Variants in CHRM2 observed in about 807,000 individuals in gnomAD.
The protein encoded by CHRM2 is muscarinic acetylcholine receptor M2.
Under a neutral mutation model 25.0 loss-of-function variants are expected in CHRM2, and 8 were observed. The ratio of observed to expected loss-of-function variants is 0.32; its 90% confidence interval spans 0.19 to 0.58. The LOEUF is 0.58. Ranked by LOEUF, CHRM2 falls within the 20% of genes least tolerant of loss-of-function variation. CHRM2 has a pLI of 0.88. For synonymous variants in CHRM2, 202 were observed against 205.7 expected (o/e 0.98, Z 0.15); for missense variants, 440 against 567.1 (o/e 0.78, Z 2.28).
At chr7:136,917,618 T>C (rs1798195477) in intron 2 of CHRM2, among the ~76,000 whole-genome samples, 2 of 152,084 alleles carry the variant, frequency 1.3e-5, no homozygotes. Context: ...GCCGGATTGC[T>C]GCCAGCTTTC....
chr7:136,951,547 C>G (rs1800414354), intron 2 of CHRM2, among the ~76,000 whole-genome samples: 1 of 152,088 alleles, frequency 6.6e-6, no homozygotes, highest in Non-Finnish European at 1.5e-5. Context: ...TCTTCCCTCT[C>G]TGATTGCAAA....
At position 136,890,325 on chromosome 7, in the gene CHRM2, C is replaced by T. The variant is rs184815610; in HGVS notation, c.-125+20907C>T. ...TTCATGTCACTAACCCAAAGCATTG[C>T]ACCGCTGTGTGTGTACTGCTAAGAA... is the stretch of plus-strand genomic sequence containing the variant. On this transcript the variant is annotated intron_variant, in intron 2 of 3. Coordinates refer to ENST00000680005, the MANE Select transcript of CHRM2 (RefSeq NM_001006630.2). Among the ~76,000 whole-genome samples, 8 of 152,312 alleles carry T rather than the reference C, an allele frequency of 5.3e-5. No individual in the cohort carries two copies. The East Asian group carries it at 1.5e-3, about 29-fold the overall frequency.
intron 2 of CHRM2, among the ~76,000 whole-genome samples, chr7:136,898,511 ATGTG>A (rs3068413): frequency 8.8e-4 from 132 of 150,076 alleles, no homozygotes; most frequent in East Asian, 3.2e-3. Flanking sequence ...GTGTGTTTGC[ATGTG>A]TGTGTGTGTG....
intron 2 of CHRM2, among the ~76,000 whole-genome samples, chr7:136,931,077 G>A (rs999763160): frequency 2.0e-5 from 3 of 151,978 alleles, no homozygotes; most frequent in Non-Finnish European, 2.9e-5. Context: ...ATTTTGATTC[G>A]TTCTAGTTTT....
intron 2 of CHRM2, among the ~76,000 whole-genome samples, chr7:136,953,571 A>G (rs763439222): frequency 1.3e-5 from 2 of 152,152 alleles, no homozygotes; most frequent in Non-Finnish European, 2.9e-5. Context: ...TTCAACAAAC[A>G]TTCACTGAAT....
At chr7:136,963,965 G>C (rs324579) in intron 2 of CHRM2, among the ~76,000 whole-genome samples, 34 of 152,116 alleles carry the variant, frequency 2.2e-4, no homozygotes, top group African/African-American at 8.2e-4. Flanking sequence ...TCTCATTTGC[G>C]TACTGCACTG....
chr7:136,921,005 A>T lies in CHRM2; in HGVS notation c.-125+51587A>T, dbSNP rs138161427. Among the ~76,000 whole-genome samples the T allele has an allele frequency of 2.2e-4, 34 of 152,212 alleles. No homozygotes were observed. The East Asian group carries it at 6.4e-3, about 29-fold the overall frequency. ...TCTCTGCAGCCATCTCAAATGGAAG[A>T]TGCCCTAGAACCTCAGGAATGAGAT... On this transcript the variant is annotated intron_variant, in intron 2 of 3. Coordinates refer to ENST00000680005, the MANE Select transcript of CHRM2 (RefSeq NM_001006630.2).
In CHRM2 at chr7:137,015,874, T is replaced by C; in HGVS notation, c.1009T>C (p.Cys337Arg). 6.2e-7 allele frequency: 1 copy of C among 1,613,190 alleles called. No individual in the cohort carries two copies. Among genetic ancestry groups the C allele is most frequent in the African/African-American group, 1.3e-5 (1 of 74,948 alleles). The change falls in exon 4 of 4, where the codon TGT becomes CGT. Residue 337 changes from cysteine to arginine, a missense_variant. This residue lies in a region of CHRM2 where 261 missense variants were observed against 261.8 expected (regional missense o/e 1.00). Coordinates refer to ENST00000680005, the MANE Select transcript of CHRM2 (RefSeq NM_001006630.2). The surrounding 1 kb of genome is among the most constrained non-coding windows in gnomAD (Gnocchi z 5.1). ...IGTKTPKSDSCTPTNTTVEVV... is the reference protein window; with the variant it reads ...IGTKTPKSDSRTPTNTTVEVV... Reference sequence around the variant, plus strand: ...CACCAAGACCCCAAAAAGTGACTCATGTACCCCAACTAATACCACCGTGGA... The same window carrying C: ...CACCAAGACCCCAAAAAGTGACTCACGTACCCCAACTAATACCACCGTGGA...
chr7:136,985,269 TG>T (rs1416807318), intron 2 of CHRM2, among the ~76,000 whole-genome samples: 1 of 152,096 alleles, frequency 6.6e-6, no homozygotes, highest in Non-Finnish European at 1.5e-5. Flanking sequence ...CCCAGCACTT[TG>T]TGAGGCCAAG....
chr7:136,977,375 T>C (rs1399568632), intron 2 of CHRM2, among the ~76,000 whole-genome samples: 1 of 129,976 alleles, frequency 7.7e-6, no homozygotes, highest in East Asian at 2.2e-4. Context: ...CCTTAGGATA[T>C]GCTTCCCTGA....
chr7:136,911,569 T>A (rs1414032733), intron 2 of CHRM2, among the ~76,000 whole-genome samples: 1 of 151,932 alleles, frequency 6.6e-6, no homozygotes, highest in African/African-American at 2.4e-5. Flanking sequence ...ACGTACATAC[T>A]GGGTTGGAAG....
chr7:137,007,714 A>C (rs1554435561), intron 3 of CHRM2, among the ~76,000 whole-genome samples: 1 of 152,122 alleles, frequency 6.6e-6, no homozygotes, highest in Non-Finnish European at 1.5e-5. Context: ...ACTCGCTTCC[A>C]TCTGTAAGCA....
chr7:136,909,200 A>T (rs772415700), intron 2 of CHRM2, among the ~76,000 whole-genome samples: 1 of 151,950 alleles, frequency 6.6e-6, no homozygotes, highest in South Asian at 2.1e-4. Flanking sequence ...TTTTGTTCTC[A>T]TGATGGATAT....
chr7:137,009,529 G>A (rs996033675), intron 3 of CHRM2, among the ~76,000 whole-genome samples: 1 of 151,990 alleles, frequency 6.6e-6, no homozygotes, highest in Non-Finnish European at 1.5e-5. Flanking sequence ...TCACTCTGTG[G>A]TCTAAACCAA....
chr7:136,918,833 C>T (rs891861343), intron 2 of CHRM2, among the ~76,000 whole-genome samples: 2 of 152,196 alleles, frequency 1.3e-5, no homozygotes, highest in East Asian at 1.9e-4. Context: ...TGGGTTTCAT[C>T]TGTTCTCTCC....
chr7:136,895,490 C>A (rs185957001), intron 2 of CHRM2, among the ~76,000 whole-genome samples: 1 of 152,144 alleles, frequency 6.6e-6, no homozygotes, highest in Non-Finnish European at 1.5e-5. Flanking sequence ...GTTCTATGAA[C>A]CTTTTTTGGT....
intron 3 of CHRM2, among the ~76,000 whole-genome samples, chr7:137,010,706 A>G (rs1270145115): frequency 6.6e-6 from 1 of 152,038 alleles, no homozygotes; most frequent in Non-Finnish European, 1.5e-5. Context: ...GGCAAATATT[A>G]TAACTCTAAA....
intron 2 of CHRM2, among the ~76,000 whole-genome samples, chr7:136,930,763 G>A (rs1005288455): frequency 6.6e-6 from 1 of 151,800 alleles, no homozygotes; most frequent in African/African-American, 2.4e-5. Flanking sequence ...CAGTTGTGGT[G>A]GCGGGCACCT....
At chr7:136,891,374 C>T (rs1440489555) in intron 2 of CHRM2, among the ~76,000 whole-genome samples, 1 of 152,072 alleles carries the variant, frequency 6.6e-6, no homozygotes, top group African/African-American at 2.4e-5. Flanking sequence ...GAGTTCTGGC[C>T]AGAGGTTTTG....
Sources: gnomAD v4.1 joint callset for allele counts (sites outside exome capture counted in the v4.1 genomes callset) on GRCh38, gnomAD v4.1.1 for gene constraint, gnomAD v4.1.1 regional missense constraint, Gnocchi (gnomAD v3.1) non-coding constraint, MANE v1.5 for transcripts, NCBI Gene and HGNC (gene_info 2026-07-23, HGNC 2026-07-21) for gene names.